ARHGAP17: variants seen among roughly 807,000 people sequenced by gnomAD.
The protein encoded by ARHGAP17 is rho GTPase-activating protein 17.
ARHGAP17 carries 57 observed loss-of-function variants against 99.5 expected under a neutral mutation model. The observed-to-expected ratio is 0.57, with a 90% confidence interval of 0.46 to 0.71. ARHGAP17 has a LOEUF of 0.71. Ranked by LOEUF, ARHGAP17 falls within the 30% of genes least tolerant of loss-of-function variation. The probability of loss-of-function intolerance (pLI) is 0.00; values close to 1 mark genes in which losing one functional copy is unlikely to be tolerated. For missense variants in ARHGAP17, 1,000 were observed against 1,122.4 expected (o/e 0.89, Z 1.56); for synonymous variants, 417 against 429.6 (o/e 0.97, Z 0.36).
intron 1 of ARHGAP17, among the ~76,000 whole-genome samples, chr16:24,993,125 C>A (rs2053097742): frequency 6.6e-6 from 1 of 152,018 alleles, no homozygotes; most frequent in African/African-American, 2.4e-5. Flanking sequence ...AGCCACTGTG[C>A]CCAGCCAAAA....
At position 24,935,610 on chromosome 16, in the gene ARHGAP17, G is replaced by A. The variant is rs750577145; in HGVS notation, c.1754C>T (p.Ala585Val). The change falls in exon 18 of 20, where the codon GCA (alanine) becomes GTA (valine). Residue 585 changes from alanine (A) to valine (V), a missense_variant. Ala to Val is a moderately conservative substitution (Grantham distance 64, BLOSUM62 0). Around this residue, in one of 2 missense-constraint regions of ARHGAP17, gnomAD observed 528 missense variants for 511.4 expected, o/e 1.03. Coordinates refer to ENST00000289968, the MANE Select transcript of ARHGAP17 (RefSeq NM_001006634.3). Reference protein sequence around the residue: ...SPPKPKDPVSAAVPAPGRNNS... With the variant: ...SPPKPKDPVSVAVPAPGRNNS... ...GTTTCTCCCTGGTGCTGGCACAGCT[G>A]CAGATACAGGGTCCTTCGGTTTGGG... is the stretch of plus-strand genomic sequence containing the variant. 1 of 1,614,112 alleles carries A rather than the reference G, an allele frequency of 6.2e-7. No homozygotes were observed. Among genetic ancestry groups the A allele is most frequent in the Non-Finnish European group, 8.5e-7 (1 of 1,180,028 alleles).
At chr16:25,002,243 C>T (rs1253498196) in intron 1 of ARHGAP17, among the ~76,000 whole-genome samples, 2 of 152,128 alleles carry the variant, frequency 1.3e-5, no homozygotes, top group African/African-American at 2.4e-5. Flanking sequence ...TTACTGTTCC[C>T]TATGTAAATA....
intron 4 of ARHGAP17, among the ~76,000 whole-genome samples, chr16:24,969,813 C>T (rs965224088): frequency 6.6e-6 from 1 of 152,020 alleles, no homozygotes; most frequent in Admixed American, 6.5e-5. Flanking sequence ...GGAATGGTGA[C>T]GAATGGGAGG....
Position 24,968,442 on chromosome 16 carries a change from A to T in ARHGAP17, c.385-15T>A. The T allele has an allele frequency of 6.2e-7, 1 of 1,614,014 alleles. No individual in the cohort carries two copies. Among genetic ancestry groups the T allele is most frequent in the Non-Finnish European group, 8.5e-7 (1 of 1,179,830 alleles). On this transcript the variant is annotated splice_polypyrimidine_tract_variant and intron_variant, in intron 5 of 19. Transcript: ENST00000289968. ...GGAATCTCCACCTAAAAATAAGAACATACCAAATGGGATGCACTTCAGGGC... is the reference window on the plus strand; with the variant it reads ...GGAATCTCCACCTAAAAATAAGAACTTACCAAATGGGATGCACTTCAGGGC...
At chr16:24,996,002 A>G (rs2053182305) in intron 1 of ARHGAP17, among the ~76,000 whole-genome samples, 1 of 152,170 alleles carries the variant, frequency 6.6e-6, no homozygotes, top group African/African-American at 2.4e-5. Context: ...ATCTGGGACT[A>G]CAGGTGCAAG....
chr16:24,923,739 A>T (rs1046758261), intron 19 of ARHGAP17, among the ~76,000 whole-genome samples: 2 of 151,560 alleles, frequency 1.3e-5, no homozygotes, highest in African/African-American at 4.8e-5. Flanking sequence ...AAAAAAAAAA[A>T]AAAAAAAAAG....
intron 1 of ARHGAP17, among the ~76,000 whole-genome samples, chr16:24,988,261 G>A (rs1268058311): frequency 2.0e-5 from 3 of 152,096 alleles, no homozygotes; most frequent in Admixed American, 6.6e-5. Context: ...CTTTAAAAAT[G>A]AAGCAATTTG....
intron 6 of ARHGAP17, 140 bp downstream of exon 6, chr16:24,968,211 G>A (rs1259464069): frequency 2.1e-5 from 17 of 826,836 alleles, no homozygotes; most frequent in Non-Finnish European, 3.4e-5. Context: ...AAGGCCTATA[G>A]GAGGTGCTGG....
chr16:25,000,042 G>C (rs941849637), intron 1 of ARHGAP17, among the ~76,000 whole-genome samples: 11 of 152,106 alleles, frequency 7.2e-5, no homozygotes, highest in African/African-American at 2.4e-4. Flanking sequence ...ACAGCAGAGT[G>C]GCTGATTGGA....
At position 24,946,889 on chromosome 16, in the gene ARHGAP17, G is replaced by C. The variant is rs182686349; in HGVS notation, c.1241+593C>G. Reference sequence around the variant, plus strand: ...GCATTCAGTTCCACCTGCTTCTTTGGATCTTCCTTTTCCTATGGGAACTCC... The same window carrying C: ...GCATTCAGTTCCACCTGCTTCTTTGCATCTTCCTTTTCCTATGGGAACTCC... On this transcript the variant is annotated intron_variant, in intron 14 of 19. Coordinates refer to ENST00000289968, the MANE Select transcript of ARHGAP17 (RefSeq NM_001006634.3). Among the ~76,000 whole-genome samples the C allele has an allele frequency of 1.7e-4, 26 of 152,236 alleles. No homozygotes were observed. In the East Asian group the frequency reaches 4.8e-3, roughly 28 times the overall value.
intron 7 of ARHGAP17, among the ~76,000 whole-genome samples, chr16:24,961,917 A>ATATATATT (rs1364102733): frequency 6.8e-6 from 1 of 146,338 alleles, no homozygotes; most frequent in Admixed American, 6.8e-5. Flanking sequence ...AATTTTATAT[A>ATATATATT]TATATATATA....
At chr16:24,976,903 T>C (rs555714459) in intron 3 of ARHGAP17, among the ~76,000 whole-genome samples, 2 of 152,384 alleles carry the variant, frequency 1.3e-5, no homozygotes, top group East Asian at 3.9e-4. Context: ...TCAATGTCAA[T>C]TTAAGACAGG....
chr16:25,003,554 T>A (rs892013828), intron 1 of ARHGAP17, among the ~76,000 whole-genome samples: 1 of 152,124 alleles, frequency 6.6e-6, no homozygotes, highest in Non-Finnish European at 1.5e-5. Flanking sequence ...CTGGGTGCGG[T>A]GGCTCACACC....
intron 3 of ARHGAP17, among the ~76,000 whole-genome samples, chr16:24,973,785 A>G (rs571228477): frequency 6.6e-6 from 1 of 152,348 alleles, no homozygotes; most frequent in Admixed American, 6.5e-5. Flanking sequence ...CATTCATTTT[A>G]TATCTCCAGC....
chr16:25,009,965 T>C (rs530495309), intron 1 of ARHGAP17, among the ~76,000 whole-genome samples: 5 of 152,264 alleles, frequency 3.3e-5, no homozygotes, highest in Admixed American at 3.3e-4. Context: ...GCAGCCCAGT[T>C]CCTGTACTCA....
intron 7 of ARHGAP17, among the ~76,000 whole-genome samples, chr16:24,961,893 T>A (rs1263057194): frequency 1.5e-4 from 18 of 119,188 alleles, no homozygotes; most frequent in African/African-American, 5.7e-4. Context: ...TCTTCAAATA[T>A]AAATATACAT....
chr16:24,983,307 A>AT (rs1223133396), intron 1 of ARHGAP17, among the ~76,000 whole-genome samples: 56 of 140,800 alleles, frequency 4.0e-4, no homozygotes, highest in African/African-American at 7.9e-4. Flanking sequence ...ACGCGGCCAG[A>AT]TTTTTTTTTT....
In ARHGAP17 at chr16:24,920,166, C is replaced by T. The variant is rs143330576; in HGVS notation, c.2610G>A (p.Leu870=). The T allele has an allele frequency of 1.3e-4, 202 of 1,614,150 alleles. 1 individual carries two copies. The African/African-American group carries it at 2.3e-3, about 18-fold the overall frequency. Residue 870 remains leucine (L), a synonymous_variant, in exon 20 of 20, where the codon CTG becomes CTA. Coordinates refer to ENST00000289968, the MANE Select transcript of ARHGAP17 (RefSeq NM_001006634.3). ...ASKDVPGRIL[L]DIDNDTESTA... ...TGCTCTCGGTATCATTGTCTATATC[C>T]AGCAGGATGCGGCCAGGCACGTCTT...
chr16:24,977,440 T>C (rs2052552921), intron 2 of ARHGAP17, 121 bp from the exon 3 acceptor site: 5 of 724,136 alleles, frequency 6.9e-6, no homozygotes, highest in Admixed American at 5.5e-5. Flanking sequence ...TGGCTACACC[T>C]TGCTATCACA....
Sources: allele counts gnomAD v4.1 joint callset (sites outside exome capture counted in the v4.1 genomes callset), GRCh38; gene constraint gnomAD v4.1.1; regional missense constraint gnomAD v4.1.1; transcripts MANE v1.5; gene names NCBI Gene and HGNC (gene_info 2026-07-23, HGNC 2026-07-21).